Variants in LOC102723971 observed in about 807,000 individuals in gnomAD.
At chr9:135,617,867 T>C in the LOC102723971 span, 1 of 397,762 alleles carries the variant, frequency 2.5e-6, no homozygotes, top group Non-Finnish European at 4.4e-6. Flanking sequence ...GCCTCCCCGT[T>C]GTTCTCCGCA....
chr9:135,617,599 A>G, the LOC102723971 span, among the ~76,000 whole-genome samples: 5 of 151,820 alleles, frequency 3.3e-5, no homozygotes, highest in African/African-American at 1.2e-4. Flanking sequence ...AGGGGTTGGG[A>G]GGGGTGGCAC....
At chr9:135,619,394 C>T in the LOC102723971 span, among the ~76,000 whole-genome samples, 1 of 152,150 alleles carries the variant, frequency 6.6e-6, no homozygotes, top group Non-Finnish European at 1.5e-5. Context: ...CCCAGGGCTG[C>T]TGGGGTGGCC....
the LOC102723971 span, among the ~76,000 whole-genome samples, chr9:135,615,139 G>A: frequency 3.3e-5 from 5 of 152,192 alleles, no homozygotes; most frequent in African/African-American, 9.7e-5. Context: ...GCTCAGTGCC[G>A]AACCTGGGGC....
At chr9:135,615,060 T>C in the LOC102723971 span, among the ~76,000 whole-genome samples, 3 of 152,088 alleles carry the variant, frequency 2.0e-5, no homozygotes, top group Non-Finnish European at 4.4e-5. Context: ...CATTTGCCAA[T>C]AGAGACCAGG....
the LOC102723971 span, chr9:135,614,233 C>T: frequency 3.5e-5 from 14 of 398,464 alleles, no homozygotes; most frequent in Non-Finnish European, 5.3e-5. Context: ...CCCCCTTCCC[C>T]GGAGCCATGG....
chr9:135,616,900 C>T, the LOC102723971 span: 641 of 398,590 alleles, frequency 1.6e-3, 5 homozygotes, highest in African/African-American at 0.012. Flanking sequence ...GGCCCGGGGT[C>T]TCCAACAGTC....
the LOC102723971 span, chr9:135,615,254 G>A: frequency 4.8e-5 from 19 of 394,034 alleles, no homozygotes; most frequent in South Asian, 1.3e-4. Flanking sequence ...CCACACAGCC[G>A]GGCACTAGCC....
chr9:135,616,742 C>T, the LOC102723971 span: 88 of 398,530 alleles, frequency 2.2e-4, no homozygotes, highest in Admixed American at 9.7e-4. Context: ...CAGTCCCGGC[C>T]GCAACACTCA....
chr9:135,615,177 G>A, the LOC102723971 span, among the ~76,000 whole-genome samples: 1 of 152,176 alleles, frequency 6.6e-6, no homozygotes, highest in Non-Finnish European at 1.5e-5. Flanking sequence ...GGCCTGCTGG[G>A]GCTACACAGC....
chr9:135,619,380 C>T, the LOC102723971 span, among the ~76,000 whole-genome samples: 146 of 152,270 alleles, frequency 9.6e-4, 1 homozygote, highest in African/African-American at 3.4e-3. Flanking sequence ...GATGCACCCC[C>T]CTCCCCAGGG....
the LOC102723971 span, among the ~76,000 whole-genome samples, chr9:135,614,963 TGGACAGAGACCTGAGACAAGGGGACG>T: frequency 6.6e-6 from 1 of 152,120 alleles, no homozygotes; most frequent in African/African-American, 2.4e-5. Context: ...GGAAGGGGAC[TGGACAGAGACCTGAGACAAGGGGACG>T]GGAGGTGACT....
At chr9:135,616,584 CAGGGGAGA>C in the LOC102723971 span, 1 of 398,712 alleles carries the variant, frequency 2.5e-6, no homozygotes, top group Non-Finnish European at 4.4e-6. Context: ...TCTCTTTTCC[CAGGGGAGA>C]AGGGGTGTGT....
chr9:135,617,412 C>T, the LOC102723971 span, among the ~76,000 whole-genome samples: 2 of 152,014 alleles, frequency 1.3e-5, no homozygotes, highest in East Asian at 1.9e-4. Flanking sequence ...GAGAAGGGCT[C>T]GAAGGGCACA....
the LOC102723971 span, chr9:135,616,550 AGGCTGAC>A: frequency 1.5e-5 from 6 of 398,500 alleles, no homozygotes; most frequent in Non-Finnish European, 2.2e-5. Flanking sequence ...ACACAGTTGG[AGGCTGAC>A]CAGGCCCTGG....
At chr9:135,617,079 G>A in the LOC102723971 span, 7 of 398,210 alleles carry the variant, frequency 1.8e-5, no homozygotes, top group Admixed American at 1.3e-4. Flanking sequence ...ACATGAGGGC[G>A]GAGCTGCTGG....
the LOC102723971 span, among the ~76,000 whole-genome samples, chr9:135,617,215 C>T: frequency 0.15 from 22,308 of 152,188 alleles, 1,709 homozygotes; most frequent in African/African-American, 0.16. Context: ...ACACATGCCC[C>T]TCAGGGAGGG....
At chr9:135,618,774 G>T in the LOC102723971 span, among the ~76,000 whole-genome samples, 4 of 152,078 alleles carry the variant, frequency 2.6e-5, no homozygotes, top group South Asian at 4.2e-4. Context: ...AGAGCACAGG[G>T]CCCTGGCAGG....
chr9:135,617,481 A>T, the LOC102723971 span, among the ~76,000 whole-genome samples: 1 of 151,494 alleles, frequency 6.6e-6, no homozygotes, highest in Non-Finnish European at 1.5e-5. Context: ...GTGGAGATAG[A>T]TGGGGCTGGG....
chr9:135,617,734 G>A, the LOC102723971 span, among the ~76,000 whole-genome samples: 1 of 152,152 alleles, frequency 6.6e-6, no homozygotes, highest in South Asian at 2.1e-4. Context: ...GCAAGGTTGG[G>A]GCCGGTGCAA....
Sources: allele counts gnomAD v4.1 joint callset (sites outside exome capture counted in the v4.1 genomes callset), GRCh38; gene constraint gnomAD v4.1.1; transcripts MANE v1.5.